The following ARHGEF11 variants were observed in gnomAD, a reference collection of about 807,000 sequenced individuals.
ARHGEF11 encodes Rho guanine nucleotide exchange factor 11.
A neutral mutation model predicts 193.7 loss-of-function variants in ARHGEF11; 55 were observed. The ratio of observed to expected loss-of-function variants is 0.28; its 90% CI spans 0.23 to 0.36. The LOEUF (loss-of-function observed/expected upper bound fraction) is 0.36, where lower values mean the gene tolerates loss of function less well. ARHGEF11 is among the 10% of genes least tolerant of loss of function. ARHGEF11 has a pLI of 1.00. For synonymous variants in ARHGEF11, 693 were observed against 768.0 expected (o/e 0.90, Z 1.62); for missense variants, 1,723 against 2,005.6 (o/e 0.86, Z 2.69).
At chr1:156,947,084 G>C in intron 26 of ARHGEF11, 69 bp from the exon 27 acceptor site, 21 of 1,584,328 alleles carry the variant, frequency 1.3e-5, no homozygotes, top group Admixed American at 3.3e-5. Context: ...TTCTGACAGA[G>C]AGAAGTGAAT....
chr1:156,990,846 C>A (rs1286921201), intron 1 of ARHGEF11, among the ~76,000 whole-genome samples: 1 of 152,154 alleles, frequency 6.6e-6, no homozygotes, highest in Admixed American at 6.5e-5. Flanking sequence ...TTGTACTTCC[C>A]CTATGCCAGA....
intron 1 of ARHGEF11, among the ~76,000 whole-genome samples, chr1:156,993,001 G>A (rs1453604416): frequency 2.0e-5 from 3 of 152,224 alleles, no homozygotes; most frequent in Non-Finnish European, 2.9e-5. Flanking sequence ...ATGTGTAAAT[G>A]AGGACAAGGC....
intron 29 of ARHGEF11, 135 bp from the exon 30 acceptor site, chr1:156,945,332 C>A: frequency 1.0e-6 from 1 of 954,580 alleles, no homozygotes; most frequent in Admixed American, 2.6e-5. Flanking sequence ...GGGAGCCACC[C>A]TTGCCTCACA....
chr1:156,937,110 T>C, intron 39 of ARHGEF11, 105 bp from the exon 40 acceptor site: 1 of 1,565,214 alleles, frequency 6.4e-7, no homozygotes, highest in East Asian at 2.3e-5. Flanking sequence ...GATTTAAGGG[T>C]GGCTGGGCGG....
At chr1:156,991,722 T>TA (rs2102553463) in intron 1 of ARHGEF11, among the ~76,000 whole-genome samples, 1 of 84,676 alleles carries the variant, frequency 1.2e-5, no homozygotes, top group African/African-American at 5.0e-5. Flanking sequence ...TTTTTTTTTT[T>TA]TTTTTTTTTT....
At chr1:157,034,274 G>C (rs1438873416) in intron 1 of ARHGEF11, among the ~76,000 whole-genome samples, 1 of 152,174 alleles carries the variant, frequency 6.6e-6, no homozygotes, top group African/African-American at 2.4e-5. Context: ...AGTCTCTTGG[G>C]GGGAAGTTTC....
rs189404338 is a variant in ARHGEF11, at chr1:156,974,578, C to T, written c.582+2405G>A. 3.0e-3 allele frequency among the ~76,000 whole-genome samples: 455 copies of T among 152,294 alleles called. 8 individuals are homozygous for T. Among genetic ancestry groups the T allele is most frequent in the Admixed American group, 0.026 (394 of 15,300 alleles). ...AACTAAGTGGTCTCTAGTATATTCACGGAGTTGTGCAGCCACCCCTACTAC... is the reference window on the plus strand; with the variant it reads ...AACTAAGTGGTCTCTAGTATATTCATGGAGTTGTGCAGCCACCCCTACTAC... On this transcript the variant is annotated intron_variant, in intron 7 of 40. Coordinates refer to ENST00000368194, the MANE Select transcript of ARHGEF11 (RefSeq NM_198236.3).
Position 156,947,958 on chromosome 1 carries a change from T to C in ARHGEF11, c.2154-2A>G, listed in dbSNP as rs759341238. The C allele has an allele frequency of 6.2e-7, 1 of 1,612,000 alleles. No homozygotes were observed. Among genetic ancestry groups the C allele is most frequent in the Non-Finnish European group, 8.5e-7 (1 of 1,178,352 alleles). On this transcript the variant is annotated splice_acceptor_variant, in intron 24 of 40. Transcript: ENST00000368194. LOFTEE classifies it high-confidence loss of function. ...CCCAAACTGGGGGACTCAATGCTCC[T>C]GGGGGAAAACAGGCAGCTCAGCTTC...
chr1:157,019,349 T>C (rs935718575), intron 1 of ARHGEF11, among the ~76,000 whole-genome samples: 11 of 152,180 alleles, frequency 7.2e-5, no homozygotes, highest in African/African-American at 2.2e-4. Flanking sequence ...TTACTATGTA[T>C]GTACTAACAT....
chr1:156,952,526 C>T (rs1200716270), intron 21 of ARHGEF11, among the ~76,000 whole-genome samples: 4 of 152,122 alleles, frequency 2.6e-5, no homozygotes, highest in East Asian at 1.9e-4. Context: ...CTGAGACCAG[C>T]GGAAAGGACA....
chr1:156,941,333 G>A, intron 35 of ARHGEF11, 39 bp downstream of exon 35: 1 of 1,608,600 alleles, frequency 6.2e-7, no homozygotes, highest in Non-Finnish European at 8.5e-7. Flanking sequence ...ACAGAAAAAG[G>A]CCTGGGCTGG....
At chr1:157,036,152 CATATATGAATAT>C (rs1672003307) in intron 1 of ARHGEF11, among the ~76,000 whole-genome samples, 2 of 138,872 alleles carry the variant, frequency 1.4e-5, no homozygotes, top group Admixed American at 1.5e-4. Flanking sequence ...TATATGAATA[CATATATGAATAT>C]ATATATGAAT....
intron 32 of ARHGEF11, among the ~76,000 whole-genome samples, chr1:156,943,726 T>C (rs1045544755): frequency 2.0e-5 from 3 of 152,168 alleles, no homozygotes; most frequent in African/African-American, 7.2e-5. Flanking sequence ...CTGTGCCAGG[T>C]TGTCTGTCTT....
chr1:156,963,490 G>T (rs755662568), intron 12 of ARHGEF11, 30 bp downstream of exon 12: 7 of 1,603,112 alleles, frequency 4.4e-6, no homozygotes, highest in African/African-American at 1.3e-5. Flanking sequence ...AAAAAAAAAT[G>T]ATGAAAGGAG....
intron 1 of ARHGEF11, among the ~76,000 whole-genome samples, chr1:157,026,979 G>A (rs1179463272): frequency 1.3e-5 from 2 of 152,188 alleles, no homozygotes; most frequent in East Asian, 1.9e-4. Flanking sequence ...TTTTAATGCC[G>A]AGAGAACCAG....
At chr1:157,028,528 A>G (rs1670924064) in intron 1 of ARHGEF11, among the ~76,000 whole-genome samples, 1 of 152,204 alleles carries the variant, frequency 6.6e-6, no homozygotes, top group Non-Finnish European at 1.5e-5. Flanking sequence ...AGAGCCCTAA[A>G]AGAGTGACCA....
intron 1 of ARHGEF11, among the ~76,000 whole-genome samples, chr1:156,996,792 A>G (rs1418900797): frequency 6.1e-5 from 9 of 147,590 alleles, no homozygotes; most frequent in African/African-American, 2.3e-4. Context: ...AAAAAAAAAA[A>G]AAGACAAGGG....
intron 5 of ARHGEF11, 132 bp from the exon 6 acceptor site, chr1:156,978,514 T>G: frequency 7.3e-7 from 1 of 1,368,672 alleles, no homozygotes; most frequent in Non-Finnish European, 9.5e-7. Flanking sequence ...TCTCCTCACT[T>G]TTAATGCCCC....
intron 13 of ARHGEF11, among the ~76,000 whole-genome samples, chr1:156,962,895 A>C (rs949245554): frequency 2.0e-5 from 3 of 150,634 alleles, no homozygotes; most frequent in Non-Finnish European, 4.4e-5. Context: ...AAAAAAAAAA[A>C]AAAAAAAAAA....
Sources: gnomAD v4.1 joint callset for allele counts (sites outside exome capture counted in the v4.1 genomes callset) on GRCh38, gnomAD v4.1.1 for gene constraint, MANE v1.5 for transcripts, NCBI Gene and HGNC (gene_info 2026-07-23, HGNC 2026-07-21) for gene names.